The following PARP10 variants were observed in gnomAD, a reference collection of about 807,000 sequenced individuals.
The protein encoded by PARP10 is poly(ADP-ribose) polymerase family member 10.
In PARP10, 56 loss-of-function variants were observed where a neutral mutation model predicts 82.4. The observed-to-expected ratio is 0.68, with a 90% confidence interval of 0.55 to 0.85. The LOEUF (loss-of-function observed/expected upper bound fraction) is 0.85. Among genes scored for constraint, PARP10 ranks in the 40% least tolerant of loss-of-function variants. The probability of loss-of-function intolerance (pLI) is 0.00; values close to 1 mark genes in which losing one functional copy is unlikely to be tolerated. For synonymous variants in PARP10, 576 were observed against 601.1 expected (o/e 0.96, Z 0.61); for missense variants, 1,227 against 1,379.4 (o/e 0.89, Z 1.75).
In PARP10 at chr8:143,985,900, C is replaced by G; in HGVS notation, c.257G>C (p.Arg86Pro). The G allele has an allele frequency of 6.3e-7, 1 of 1,583,468 alleles. No individual in the cohort carries two copies. Among genetic ancestry groups the G allele is most frequent in the Non-Finnish European group, 8.6e-7 (1 of 1,161,408 alleles). The change falls in exon 3 of 11, where the codon CGA becomes CCA. Residue 86 changes from arginine to proline, a missense_variant. Coordinates refer to ENST00000313028, the MANE Select transcript of PARP10 (RefSeq NM_032789.5). ...AQLSLRPAPPRAPARLLLQGL... is the reference protein window; with the variant it reads ...AQLSLRPAPPPAPARLLLQGL... ...TTGGAGCAGCAGGCGTGCAGGGGCTCGTGGTGGAGCTGGCCGCAGGCTCAG... is the reference window on the plus strand; with the variant it reads ...TTGGAGCAGCAGGCGTGCAGGGGCTGGTGGTGGAGCTGGCCGCAGGCTCAG...
At chr8:143,980,615 T>A (rs940263121) in intron 9 of PARP10, among the ~76,000 whole-genome samples, 1 of 151,798 alleles carries the variant, frequency 6.6e-6, no homozygotes, top group South Asian at 2.1e-4. Context: ...AAGTCAAATA[T>A]GTTTAGCACC....
chr8:143,991,242 T>G, upstream of PARP10: 1 of 1,577,382 alleles, frequency 6.3e-7, no homozygotes, highest in Non-Finnish European at 8.6e-7. Context: ...TGAAAAGAGT[T>G]TTTTGGTGTC....
chr8:143,989,929 G>A (rs1214304698), upstream of PARP10: 1 of 152,252 alleles, frequency 6.6e-6, no homozygotes, highest in Non-Finnish European at 1.5e-5. The surrounding 1 kb of genome is among the most constrained non-coding windows in gnomAD (Gnocchi z 4.3). Context: ...ACAGTGAGAG[G>A]CGGGCCTCTG....
upstream of PARP10, chr8:143,992,536 T>C (rs1834117988): frequency 1.2e-6 from 2 of 1,614,018 alleles, no homozygotes; most frequent in Admixed American, 1.7e-5. Context: ...TCTTCGCCAT[T>C]CTCTGCATCT....
At chr8:143,978,198 G>A in intron 9 of PARP10, 117 bp from the exon 10 acceptor site, 1 of 1,210,492 alleles carries the variant, frequency 8.3e-7, no homozygotes, top group South Asian at 1.6e-5. Context: ...GGGTTTGAGG[G>A]AGCCCTTGCA....
upstream of PARP10, among the ~76,000 whole-genome samples, chr8:143,994,651 C>T (rs567708988): frequency 6.6e-5 from 10 of 152,324 alleles, no homozygotes; most frequent in African/African-American, 2.2e-4. Context: ...CAGACAGTCC[C>T]TCTGCCAGTG....
At chr8:143,979,854 A>G (rs1833804778) in intron 9 of PARP10, among the ~76,000 whole-genome samples, 1 of 151,394 alleles carries the variant, frequency 6.6e-6, no homozygotes, top group Admixed American at 6.6e-5. Context: ...TCTATTAAAA[A>G]TACAAAATTT....
At chr8:143,987,615 G>A (rs1301628025), upstream of PARP10, among the ~76,000 whole-genome samples, 4 of 152,350 alleles carry the variant, frequency 2.6e-5, no homozygotes, top group South Asian at 2.1e-4. Context: ...CCTGGGGGCC[G>A]GGCGCAGTGG....
rs376877710 is a variant in PARP10, at chr8:143,984,202, A to G, written c.1680+8T>C. ...AAGGGGAGGGCAGGGGTGGGACTCC[A>G]TCTCTACCTCTTCAAGGCCTGTGTC... On this transcript the variant is annotated splice_region_variant and intron_variant, in intron 6 of 10. Coordinates refer to ENST00000313028, the MANE Select transcript of PARP10 (RefSeq NM_032789.5). 4 of 1,610,450 alleles carry G rather than the reference A, an allele frequency of 2.5e-6. No individual in the cohort carries two copies. In the African/African-American group the frequency reaches 4.0e-5, roughly 16 times the overall value.
chr8:143,998,840 C>T (rs1447216692), intron 1 of PARP10, among the ~76,000 whole-genome samples: 2 of 151,902 alleles, frequency 1.3e-5, no homozygotes, highest in Non-Finnish European at 2.9e-5. Context: ...GTCCCAGCTA[C>T]TCAAGAGGCT....
chr8:144,012,184 A>G (rs1251609030), intron 1 of PARP10, among the ~76,000 whole-genome samples: 1 of 152,128 alleles, frequency 6.6e-6, no homozygotes, highest in East Asian at 1.9e-4. Context: ...TGCTGGGGAA[A>G]CCCAGCGGGC....
chr8:143,995,372 G>A (rs529194474), upstream of PARP10, among the ~76,000 whole-genome samples: 9 of 152,324 alleles, frequency 5.9e-5, no homozygotes, highest in South Asian at 1.2e-3. Context: ...GCATCGGGAG[G>A]TGCCAATTAA....
intron 9 of PARP10, among the ~76,000 whole-genome samples, chr8:143,980,318 T>TAAAAAAAAAAAAAAAAAAAAAA (rs1564247548): frequency 6.4e-5 from 1 of 15,666 alleles, no homozygotes; most frequent in African/African-American, 1.4e-4. Flanking sequence ...AGATTCCGTC[T>TAAAAAAAAAAAAAAAAAAAAAA]CAAAAAAAAA....
intron 1 of PARP10, chr8:144,012,391 A>G (rs554666037): frequency 2.7e-6 from 2 of 752,186 alleles, no homozygotes; most frequent in African/African-American, 1.8e-5. Context: ...CACAATACCC[A>G]GGGCCCACTG....
chr8:144,005,079 T>C (rs1554751980), intron 1 of PARP10, among the ~76,000 whole-genome samples: 1 of 149,394 alleles, frequency 6.7e-6, no homozygotes, highest in African/African-American at 2.5e-5. Context: ...CTCAGGAGGG[T>C]GAGGCACGAG....
rs1554748656 is a variant in PARP10, at chr8:143,984,454, G to C, written c.1459-23C>G. Reference sequence around the variant, plus strand: ...GAGCTGCAGGGCCATTGCAGAGATGGAGTTTGCAGGTTTAGAGCACAGGAA... The same window carrying C: ...GAGCTGCAGGGCCATTGCAGAGATGCAGTTTGCAGGTTTAGAGCACAGGAA... On this transcript the variant is annotated intron_variant, in intron 5 of 10. Transcript: ENST00000313028. 1.9e-6 allele frequency: 3 copies of C among 1,599,404 alleles called. No individual in the cohort carries two copies. The South Asian group carries it at 3.3e-5, about 18-fold the overall frequency.
chr8:143,991,731 C>T (rs782525102), upstream of PARP10: 3 of 1,613,782 alleles, frequency 1.9e-6, no homozygotes, highest in East Asian at 2.2e-5. Context: ...GGTCCCCCAT[C>T]CTACTATGAC....
intron 1 of PARP10, among the ~76,000 whole-genome samples, chr8:143,997,453 C>T (rs188616713): frequency 1.5e-3 from 231 of 152,282 alleles, no homozygotes; most frequent in African/African-American, 4.5e-3. Flanking sequence ...AATGCTATCA[C>T]GACCCTTGGC....
At chr8:143,978,969 G>GTTTTTTTTTTTTTTTTTT (rs5895791) in intron 9 of PARP10, among the ~76,000 whole-genome samples, 1 of 144,810 alleles carries the variant, frequency 6.9e-6, no homozygotes, top group African/African-American at 2.6e-5. Flanking sequence ...AACCCTGCAA[G>GTTTTTTTTTTTTTTTTTT]TTTTTTTTTT....
Sources: allele counts gnomAD v4.1 joint callset (sites outside exome capture counted in the v4.1 genomes callset), GRCh38; gene constraint gnomAD v4.1.1; non-coding constraint Gnocchi (gnomAD v3.1); transcripts MANE v1.5; gene names NCBI Gene and HGNC (gene_info 2026-07-23, HGNC 2026-07-21).